FUT8: variants seen among roughly 807,000 people sequenced by gnomAD.
The protein encoded by FUT8 is alpha-(1,6)-fucosyltransferase.
A neutral mutation model predicts 71.3 loss-of-function variants in FUT8; 29 were observed. That is an observed-to-expected ratio of 0.41 (90% CI 0.30 to 0.55). FUT8 has a LOEUF of 0.55. Ranked by LOEUF, FUT8 falls within the 20% of genes least tolerant of loss-of-function variation. The pLI, the probability that FUT8 is intolerant of heterozygous loss-of-function variation, is 0.34. For synonymous variants in FUT8, 254 were observed against 239.3 expected (o/e 1.06, Z -0.57); for missense variants, 544 against 702.1 (o/e 0.77, Z 2.55).
intron 2 of FUT8, among the ~76,000 whole-genome samples, chr14:65,541,386 C>T (rs913860880): frequency 5.3e-5 from 8 of 152,166 alleles, no homozygotes; most frequent in Admixed American, 3.9e-4. Context: ...GTGAATTAGT[C>T]CAAGCTCAAA....
At chr14:65,558,801 G>A (rs1347921911) in intron 2 of FUT8, among the ~76,000 whole-genome samples, 1 of 152,044 alleles carries the variant, frequency 6.6e-6, no homozygotes, top group African/African-American at 2.4e-5. Context: ...CCCCAAAACT[G>A]GGGATTTAAA....
chr14:65,383,265 C>CTTTTTTTTCTTTTTTTTTTTTTTTTTTT, the FUT8 span, among the ~76,000 whole-genome samples: 16 of 86,510 alleles, frequency 1.8e-4, no homozygotes, highest in East Asian at 5.4e-4. Flanking sequence ...TTTTTCTTTT[C>CTTTTTTTTCTTTTTTTTTTTTTTTTTTT]TTTTTTTTTT....
At chr14:65,695,596 C>A (rs1262844603) in intron 7 of FUT8, among the ~76,000 whole-genome samples, 1 of 151,974 alleles carries the variant, frequency 6.6e-6, no homozygotes, top group Non-Finnish European at 1.5e-5. Context: ...TTTTCTCCAA[C>A]CTTTTACTTT....
At chr14:65,363,429 G>GTAGAGA in the FUT8 span, among the ~76,000 whole-genome samples, 1 of 152,048 alleles carries the variant, frequency 6.6e-6, no homozygotes, top group Non-Finnish European at 1.5e-5. Context: ...CCTAATTTTT[G>GTAGAGA]CATTTTTAGT....
At chr14:65,618,996 T>A (rs1889457501) in intron 5 of FUT8, among the ~76,000 whole-genome samples, 1 of 152,196 alleles carries the variant, frequency 6.6e-6, no homozygotes. Context: ...GGCCACTTTG[T>A]ACTTGCGATG....
At chr14:65,479,985 C>T (rs976514324) in intron 2 of FUT8, among the ~76,000 whole-genome samples, 1 of 151,860 alleles carries the variant, frequency 6.6e-6, no homozygotes, top group Non-Finnish European at 1.5e-5. Context: ...TATTTTGCTG[C>T]TATCCTTTGG....
chr14:65,706,906 G>A (rs1894584207), intron 7 of FUT8, among the ~76,000 whole-genome samples: 1 of 152,032 alleles, frequency 6.6e-6, no homozygotes, highest in Admixed American at 6.6e-5. Flanking sequence ...ATGTTGAACG[G>A]GGCTAGTTTG....
At chr14:65,642,458 C>T (rs528493280) in intron 6 of FUT8, among the ~76,000 whole-genome samples, 2 of 151,994 alleles carry the variant, frequency 1.3e-5, no homozygotes, top group Admixed American at 1.3e-4. Context: ...CAAAAATTAG[C>T]CAGGCGTGGT....
At chr14:65,405,198 A>T in the FUT8 span, among the ~76,000 whole-genome samples, 2 of 152,196 alleles carry the variant, frequency 1.3e-5, no homozygotes, top group East Asian at 1.9e-4. Context: ...TGATTTTTTT[A>T]AAAAATGTAA....
intron 1 of FUT8, among the ~76,000 whole-genome samples, chr14:65,415,682 C>CT (rs59874921): frequency 2.0e-3 from 277 of 141,078 alleles, no homozygotes; most frequent in South Asian, 7.0e-3. Context: ...GATATAATTC[C>CT]TTTTTTTTTT....
In FUT8 at chr14:65,483,983, T is replaced by C. The variant is rs1449500292; in HGVS notation, c.-228+28265T>C. Reference sequence around the variant, plus strand: ...CCTCAAGTATCTGCCCTCCTCGGCCTCCCAAAGTGCTGGGATTAAAGGCGT... The same window carrying C: ...CCTCAAGTATCTGCCCTCCTCGGCCCCCCAAAGTGCTGGGATTAAAGGCGT... On this transcript the variant is annotated intron_variant, in intron 2 of 10. Coordinates refer to ENST00000673929, the MANE Select transcript of FUT8 (RefSeq NM_001371533.1). The surrounding 1 kb of genome is among the most constrained non-coding windows in gnomAD (Gnocchi z 4.4). Among the ~76,000 whole-genome samples, 1 of 152,192 alleles carries C rather than the reference T, an allele frequency of 6.6e-6. No homozygotes were observed. Among genetic ancestry groups the C allele is most frequent in the African/African-American group, 2.4e-5 (1 of 41,462 alleles).
intron 2 of FUT8, among the ~76,000 whole-genome samples, chr14:65,503,142 T>TAAA (rs371189534): frequency 2.6e-5 from 4 of 152,370 alleles, no homozygotes; most frequent in Non-Finnish European, 5.9e-5. Context: ...AAATATATGC[T>TAAA]TCTGAATAGG....
intron 1 of FUT8, among the ~76,000 whole-genome samples, chr14:65,444,986 A>G (rs1754183387): frequency 6.6e-6 from 1 of 152,096 alleles, no homozygotes; most frequent in Admixed American, 6.6e-5. Context: ...CGGGTGGATC[A>G]TGAGGTCAGG....
intron 7 of FUT8, among the ~76,000 whole-genome samples, chr14:65,692,352 G>A (rs1236373810): frequency 8.8e-5 from 13 of 147,024 alleles, no homozygotes; most frequent in African/African-American, 1.8e-4. Flanking sequence ...CTGGCCGGGC[G>A]GGGGGCTGAC....
At chr14:65,487,559 C>G (rs1275844556) in intron 2 of FUT8, among the ~76,000 whole-genome samples, 1 of 130,548 alleles carries the variant, frequency 7.7e-6, no homozygotes, top group Admixed American at 7.8e-5. Flanking sequence ...AGTGAGACTC[C>G]GTCTCAAAAA....
At chr14:65,492,334 C>T (rs780416707) in intron 2 of FUT8, among the ~76,000 whole-genome samples, 7 of 152,166 alleles carry the variant, frequency 4.6e-5, no homozygotes, top group South Asian at 2.1e-4. Flanking sequence ...TGAGCTATAA[C>T]AAGTGGAGGC....
intron 3 of FUT8, among the ~76,000 whole-genome samples, chr14:65,613,735 T>C (rs1487983798): frequency 6.6e-6 from 1 of 152,204 alleles, no homozygotes; most frequent in Non-Finnish European, 1.5e-5. Context: ...TGTAGGTAAT[T>C]GACAGTTAAT....
At chr14:65,695,611 C>T (rs894458317) in intron 7 of FUT8, among the ~76,000 whole-genome samples, 1 of 151,846 alleles carries the variant, frequency 6.6e-6, no homozygotes, top group Non-Finnish European at 1.5e-5. Flanking sequence ...TACTTTTAAC[C>T]TATGTGTATA....
chr14:65,633,770 G>A (rs1353618337), intron 6 of FUT8, among the ~76,000 whole-genome samples: 7 of 152,000 alleles, frequency 4.6e-5, no homozygotes, highest in Non-Finnish European at 7.4e-5. Context: ...GAAGTGAGGA[G>A]CCCCTCCGCC....
Sources: gnomAD v4.1 joint callset for allele counts (sites outside exome capture counted in the v4.1 genomes callset) on GRCh38, gnomAD v4.1.1 for gene constraint, Gnocchi (gnomAD v3.1) non-coding constraint, MANE v1.5 for transcripts, NCBI Gene and HGNC (gene_info 2026-07-23, HGNC 2026-07-21) for gene names.